DENND2B: variants seen among roughly 807,000 people sequenced by gnomAD.
DENND2B encodes the protein DENN domain-containing protein 2B.
Under a neutral mutation model 116.0 loss-of-function variants are expected in DENND2B, and 32 were observed. The observed-to-expected ratio is 0.28, with a 90% confidence interval of 0.21 to 0.37. The LOEUF (loss-of-function observed/expected upper bound fraction) is 0.37, where lower values mean the gene tolerates loss of function less well. Ranked by LOEUF, DENND2B falls within the 10% of genes least tolerant of loss-of-function variation. The pLI, the probability that DENND2B is intolerant of heterozygous loss-of-function variation, is 1.00. For synonymous variants in DENND2B, 588 were observed against 583.9 expected (o/e 1.01, Z -0.10); for missense variants, 1,276 against 1,477.7 (o/e 0.86, Z 2.24).
chr11:8,780,813 C>A lies in DENND2B; in HGVS notation c.-26+29704G>T, dbSNP rs933182342. On this transcript the variant is annotated intron_variant, in intron 1 of 19. Transcript: ENST00000313726. ...CAAGTGGTCCACGAGGGCTAATGAT[C>A]ACAGGAGGGACAAGGGAGAGAGAGA... Among the ~76,000 whole-genome samples the A allele has an allele frequency of 5.9e-5, 9 of 152,258 alleles. 1 individual carries two copies. Among genetic ancestry groups the A allele is most frequent in the Admixed American group, 2.6e-4 (4 of 15,296 alleles).
intron 1 of DENND2B, among the ~76,000 whole-genome samples, chr11:8,767,933 A>G (rs2056159190): frequency 1.3e-5 from 2 of 152,186 alleles, no homozygotes; most frequent in Admixed American, 1.3e-4. Context: ...AGTGACTCAG[A>G]AAAGGAATGG....
intron 1 of DENND2B, among the ~76,000 whole-genome samples, chr11:8,910,632 AGTGT>A (rs375346719): frequency 3.1e-5 from 2 of 64,128 alleles, no homozygotes; most frequent in African/African-American, 9.8e-5. Context: ...ACTCCTGGCT[AGTGT>A]GTGTGTGTGT....
intron 1 of DENND2B, among the ~76,000 whole-genome samples, chr11:8,768,202 T>C (rs1266383625): frequency 6.6e-6 from 1 of 152,038 alleles, no homozygotes; most frequent in Non-Finnish European, 1.5e-5. Context: ...TTAGGTAATA[T>C]AAGGTATTAC....
chr11:8,774,493 C>T (rs141003830), intron 1 of DENND2B, among the ~76,000 whole-genome samples: 300 of 152,274 alleles, frequency 2.0e-3, no homozygotes, highest in African/African-American at 6.9e-3. Flanking sequence ...CAGAGTTGCG[C>T]TTCTGACAGA....
At position 8,810,614 on chromosome 11, in the gene DENND2B, T is replaced by A. The variant is rs914757215; in HGVS notation, c.-123A>T. 6.6e-6 allele frequency: 1 copy of A among 152,308 alleles called. No individual in the cohort carries two copies. Among genetic ancestry groups the A allele is most frequent in the African/African-American group, 2.4e-5 (1 of 41,466 alleles). The allele number at this position is 152,308 out of a possible 1,614,324, so 9.4% of individuals were successfully genotyped here. A position where few individuals can be genotyped will look rare whatever the true frequency, so the allele number is the denominator to read the frequency against. On this transcript the variant is annotated 5_prime_UTR_variant, in exon 1 of 20. Coordinates refer to ENST00000313726, the MANE Select transcript of DENND2B (RefSeq NM_213618.2). Reference sequence around the variant, plus strand: ...ATCCACTGGCTTAAGCTCCGATACCTGCTGCGAGCTTCCCACAGCTCCTTC... The same window carrying A: ...ATCCACTGGCTTAAGCTCCGATACCAGCTGCGAGCTTCCCACAGCTCCTTC...
chr11:8,700,592 C>T (rs1445894408), intron 14 of DENND2B, among the ~76,000 whole-genome samples: 3 of 152,100 alleles, frequency 2.0e-5, no homozygotes, highest in South Asian at 4.1e-4. Context: ...GAGGACAAAC[C>T]AGAACGGGGA....
chr11:8,789,659 C>T (rs2059204949), intron 1 of DENND2B, among the ~76,000 whole-genome samples: 1 of 151,194 alleles, frequency 6.6e-6, no homozygotes, highest in Non-Finnish European at 1.5e-5. Flanking sequence ...CTGAACAATA[C>T]CCCAAAGAAA....
At chr11:8,821,533 C>G (rs1213571838) in intron 4 of DENND2B, among the ~76,000 whole-genome samples, 2 of 151,648 alleles carry the variant, frequency 1.3e-5, no homozygotes, top group Non-Finnish European at 2.9e-5. Context: ...GAACAGTGAT[C>G]ACGTCACTGC....
At chr11:8,771,521 T>C (rs2056848161) in intron 1 of DENND2B, among the ~76,000 whole-genome samples, 1 of 73,760 alleles carries the variant, frequency 1.4e-5, no homozygotes, top group Admixed American at 1.7e-4. Context: ...TATATGTGTA[T>C]ATATATACAG....
chr11:8,709,807 G>T (rs1362077823), intron 11 of DENND2B, among the ~76,000 whole-genome samples: 1 of 152,142 alleles, frequency 6.6e-6, no homozygotes, highest in Non-Finnish European at 1.5e-5. Context: ...CATACTTGAA[G>T]CATCTAGCTT....
At chr11:8,705,916 A>T (rs2042516622) in intron 13 of DENND2B, among the ~76,000 whole-genome samples, 1 of 152,182 alleles carries the variant, frequency 6.6e-6, no homozygotes, top group African/African-American at 2.4e-5. Context: ...TTTCACTCCG[A>T]CCATTATCTA....
chr11:8,851,199 A>T (rs2062994249), intron 3 of DENND2B, among the ~76,000 whole-genome samples: 1 of 152,166 alleles, frequency 6.6e-6, no homozygotes, highest in Admixed American at 6.5e-5. Context: ...ACCCTCAAAA[A>T]AACATAGGTA....
chr11:8,731,274 G>A, intron 2 of DENND2B, 65 bp from the exon 3 acceptor site: 1 of 1,387,464 alleles, frequency 7.2e-7, no homozygotes, highest in South Asian at 1.5e-5. Flanking sequence ...CCAACCAGTG[G>A]CATCCTGTTT....
chr11:8,797,452 TTCC>T (rs1265293818), intron 1 of DENND2B, among the ~76,000 whole-genome samples: 1 of 117,040 alleles, frequency 8.5e-6, no homozygotes, highest in African/African-American at 3.0e-5. Context: ...TTCCCCCTTC[TTCC>T]TCCTTCTTCC....
chr11:8,879,505 G>C (rs969323060), intron 2 of DENND2B, among the ~76,000 whole-genome samples: 1 of 152,198 alleles, frequency 6.6e-6, no homozygotes, highest in Admixed American at 6.5e-5. Flanking sequence ...AGGATGTGGA[G>C]AGACAATATT....
At chr11:8,805,777 A>G (rs2060783624) in intron 1 of DENND2B, among the ~76,000 whole-genome samples, 1 of 152,182 alleles carries the variant, frequency 6.6e-6, no homozygotes, top group Non-Finnish European at 1.5e-5. Context: ...CACAACGTCT[A>G]TTATAACATG....
At chr11:8,826,628 G>A (rs762240559) in intron 4 of DENND2B, among the ~76,000 whole-genome samples, 4 of 152,152 alleles carry the variant, frequency 2.6e-5, no homozygotes, top group Non-Finnish European at 5.9e-5. Flanking sequence ...CATGGAAGGC[G>A]GCCCTGATCT....
intron 1 of DENND2B, among the ~76,000 whole-genome samples, chr11:8,803,528 C>T (rs999425621): frequency 6.6e-6 from 1 of 152,182 alleles, no homozygotes; most frequent in African/African-American, 2.4e-5. Context: ...AACTAACATC[C>T]AGACCTGCTG....
intron 1 of DENND2B, chr11:8,771,680 T>G (rs1230233241): frequency 6.6e-6 from 1 of 151,724 alleles, no homozygotes; most frequent in Non-Finnish European, 1.5e-5. Flanking sequence ...ATACCTGAAT[T>G]TATGCTAATG....
Sources: gnomAD v4.1 joint callset for allele counts (sites outside exome capture counted in the v4.1 genomes callset) on GRCh38, gnomAD v4.1.1 for gene constraint, MANE v1.5 for transcripts, NCBI Gene and HGNC (gene_info 2026-07-23, HGNC 2026-07-21) for gene names.